Variants in RNF4 observed in about 807,000 individuals in gnomAD.
The protein encoded by RNF4 is E3 ubiquitin-protein ligase RNF4.
Under a neutral mutation model 24.3 loss-of-function variants are expected in RNF4, and 7 were observed. The ratio of observed to expected loss-of-function variants is 0.29; its 90% CI spans 0.16 to 0.54. The LOEUF (loss-of-function observed/expected upper bound fraction) is 0.54, where lower values mean the gene tolerates loss of function less well. Among genes scored for constraint, RNF4 ranks in the 20% least tolerant of loss-of-function variants. The pLI is 0.95. For missense variants in RNF4, 209 were observed against 248.5 expected (o/e 0.84, Z 1.07); for synonymous variants, 83 against 84.3 (o/e 0.98, Z 0.09).
At chr4:2,485,366 T>G (rs1295574167) in intron 1 of RNF4, among the ~76,000 whole-genome samples, 2 of 152,170 alleles carry the variant, frequency 1.3e-5, no homozygotes, top group African/African-American at 4.8e-5. Context: ...AAATTCTCTT[T>G]TACAGATTCT....
In RNF4 at chr4:2,512,065, T is replaced by C; in HGVS notation, c.214+100T>C. 1 of 1,144,186 alleles carries C rather than the reference T, an allele frequency of 8.7e-7. No homozygotes were observed. Among genetic ancestry groups the C allele is most frequent in the Non-Finnish European group, 1.3e-6 (1 of 785,996 alleles). 70.9% of individuals were successfully genotyped at this position (1,144,186 alleles called of 1,614,324 possible). A position where few individuals can be genotyped will look rare whatever the true frequency, so the allele number is the denominator to read the frequency against. On this transcript the variant is annotated intron_variant, in intron 5 of 7. Coordinates refer to ENST00000314289, the MANE Select transcript of RNF4 (RefSeq NM_002938.5). The surrounding 1 kb of genome is among the most constrained non-coding windows in gnomAD (Gnocchi z 4.1). ...TCTTGCCAGACCATCCCCAAGGGCTTGGAGCGCTCCAAGCAGGAAGATGCC... is the reference window on the plus strand; with the variant it reads ...TCTTGCCAGACCATCCCCAAGGGCTCGGAGCGCTCCAAGCAGGAAGATGCC...
Position 2,512,294 on chromosome 4 carries a change from G to A in RNF4, c.215-144G>A, listed in dbSNP as rs1302672715. On this transcript the variant is annotated intron_variant, in intron 5 of 7. Transcript: ENST00000314289. This position sits in a 1 kb window ranked among gnomAD's most constrained non-coding sequence, Gnocchi z 4.1. ...CCTCCAGAGCTGGGCAGAACCTTCT[G>A]GGTTATAGCTGAGCATGGCAGCAGT... The A allele has an allele frequency of 2.0e-6, 2 of 997,402 alleles. No homozygotes were observed. The highest frequency in any genetic ancestry group is 1.5e-6 in the Non-Finnish European group (1 of 656,086). 61.8% of individuals were successfully genotyped at this position (997,402 alleles called of 1,614,324 possible).
intron 1 of RNF4, among the ~76,000 whole-genome samples, chr4:2,485,428 C>T (rs746733189): frequency 1.3e-5 from 2 of 152,176 alleles, no homozygotes; most frequent in Admixed American, 6.6e-5. Flanking sequence ...TACGTCCATC[C>T]GAGTTCTCAC....
intron 7 of RNF4, 104 bp from the exon 8 acceptor site, chr4:2,513,566 C>A (rs1736328648): frequency 4.3e-6 from 6 of 1,400,458 alleles, no homozygotes; most frequent in Middle Eastern, 2.6e-4. Flanking sequence ...CCCTTGCTTT[C>A]CTTTAATTAG....
chr4:2,486,383 C>G (rs1405251358), intron 1 of RNF4, among the ~76,000 whole-genome samples: 1 of 152,140 alleles, frequency 6.6e-6, no homozygotes, highest in East Asian at 1.9e-4. Flanking sequence ...GTCCCCACCA[C>G]GCTGGGATGC....
intron 1 of RNF4, among the ~76,000 whole-genome samples, chr4:2,486,306 C>A (rs921735656): frequency 6.6e-6 from 1 of 152,168 alleles, no homozygotes; most frequent in Non-Finnish European, 1.5e-5. Flanking sequence ...TGATCCAGAA[C>A]CCTTTGTAGT....
chr4:2,503,142 T>A (rs575378900), intron 4 of RNF4, among the ~76,000 whole-genome samples: 1 of 152,242 alleles, frequency 6.6e-6, no homozygotes, highest in South Asian at 2.1e-4. Context: ...CCCAAAGCAC[T>A]AGGATTACAG....
intron 2 of RNF4, among the ~76,000 whole-genome samples, chr4:2,491,802 T>C (rs1735586146): frequency 6.6e-6 from 1 of 151,858 alleles, no homozygotes; most frequent in Admixed American, 6.6e-5. Context: ...GGTGTGATCA[T>C]AGCTCACTGC....
At chr4:2,486,939 G>C (rs756186520) in intron 1 of RNF4, among the ~76,000 whole-genome samples, 1 of 152,140 alleles carries the variant, frequency 6.6e-6, no homozygotes, top group Non-Finnish European at 1.5e-5. Flanking sequence ...AGAAACATTC[G>C]TGGATATGAG....
intron 2 of RNF4, among the ~76,000 whole-genome samples, chr4:2,492,345 C>T (rs769632560): frequency 6.6e-6 from 1 of 152,194 alleles, no homozygotes; most frequent in African/African-American, 2.4e-5. Flanking sequence ...GCTTTTATCA[C>T]ATCTGTGAGA....
At chr4:2,499,343 G>T (rs753957643) in intron 3 of RNF4, 20 of 446,832 alleles carry the variant, frequency 4.5e-5, no homozygotes, top group South Asian at 3.1e-4. Context: ...CCAGGCTGGG[G>T]TGCAGTGGCG....
At position 2,512,737 on chromosome 4, in the gene RNF4, A is replaced by G; in HGVS notation, c.374+140A>G. ...CTACCCAGCATCTGGATACAGTTGG[A>G]ACTGGGTCCAGAACTGAGTCCAGCT... On this transcript the variant is annotated intron_variant, in intron 6 of 7. Transcript: ENST00000314289. The surrounding 1 kb of genome is among the most constrained non-coding windows in gnomAD (Gnocchi z 4.1). 1 of 990,364 alleles carries G rather than the reference A, an allele frequency of 1.0e-6. No individual in the cohort carries two copies. Among genetic ancestry groups the G allele is most frequent in the Non-Finnish European group, 1.5e-6 (1 of 685,074 alleles). The allele number at this position is 990,364 out of a possible 1,614,324, so 61.3% of individuals were successfully genotyped here.
At chr4:2,480,525 GGCCTCCCAGA>G (rs768465530) in intron 1 of RNF4, 8 of 151,840 alleles carry the variant, frequency 5.3e-5, no homozygotes, top group Non-Finnish European at 1.2e-4. Flanking sequence ...TGCCCACCTT[GGCCTCCCAGA>G]GTGCTGGGAT....
intron 1 of RNF4, among the ~76,000 whole-genome samples, chr4:2,486,855 G>A (rs1403203074): frequency 1.3e-5 from 2 of 152,154 alleles, no homozygotes; most frequent in East Asian, 1.9e-4. Context: ...TCTAAGACAC[G>A]CTATTGATGT....
intron 4 of RNF4, among the ~76,000 whole-genome samples, chr4:2,503,040 G>A (rs1735964584): frequency 6.6e-6 from 1 of 151,806 alleles, no homozygotes; most frequent in African/African-American, 2.4e-5. Flanking sequence ...TGGTGGTGGT[G>A]ATTTTTTAAT....
intron 4 of RNF4, among the ~76,000 whole-genome samples, chr4:2,508,936 T>TTTTA (rs1329229807): frequency 9.7e-4 from 135 of 138,698 alleles, no homozygotes; most frequent in African/African-American, 3.6e-3. Flanking sequence ...TTTTTTTTTT[T>TTTTA]AATTAAAGAC....
chr4:2,483,730 G>T (rs1735311619), intron 1 of RNF4, among the ~76,000 whole-genome samples: 1 of 152,096 alleles, frequency 6.6e-6, no homozygotes, highest in Admixed American at 6.5e-5. Context: ...CTTGAACCTG[G>T]GAGGTGGAGG....
chr4:2,498,856 A>C (rs1285743039), intron 3 of RNF4, among the ~76,000 whole-genome samples: 2 of 152,142 alleles, frequency 1.3e-5, no homozygotes, highest in Non-Finnish European at 2.9e-5. Flanking sequence ...GTGCCACTGC[A>C]CTCTAGCCTG....
Position 2,512,112 on chromosome 4 carries a change from C to A in RNF4, c.214+147C>A. The A allele has an allele frequency of 1.4e-6, 1 of 729,638 alleles. No individual in the cohort carries two copies. Among genetic ancestry groups the A allele is most frequent in the Non-Finnish European group, 2.3e-6 (1 of 433,314 alleles). 45.2% of individuals were successfully genotyped at this position (729,638 alleles called of 1,614,324 possible). On this transcript the variant is annotated intron_variant, in intron 5 of 7. Coordinates refer to ENST00000314289, the MANE Select transcript of RNF4 (RefSeq NM_002938.5). The surrounding 1 kb of genome is among the most constrained non-coding windows in gnomAD (Gnocchi z 4.1). ...TGCCTTCGCAGATGCTGTGGTCAGA[C>A]CCACACAGCCAGTCCCCCTTGTGCC...
Sources: allele counts gnomAD v4.1 joint callset (sites outside exome capture counted in the v4.1 genomes callset), GRCh38; gene constraint gnomAD v4.1.1; non-coding constraint Gnocchi (gnomAD v3.1); transcripts MANE v1.5; gene names NCBI Gene and HGNC (gene_info 2026-07-23, HGNC 2026-07-21).